Variants in CUL9 observed in about 807,000 individuals in gnomAD.
The protein encoded by CUL9 is cullin-9.
A neutral mutation model predicts 272.6 loss-of-function variants in CUL9; 79 were observed. That is an observed-to-expected ratio of 0.29 (90% confidence interval 0.24 to 0.35). CUL9 has a LOEUF of 0.35. Among genes scored for constraint, CUL9 ranks in the 10% least tolerant of loss-of-function variants. The pLI is 1.00. For missense variants in CUL9, 2,532 were observed against 3,255.6 expected (o/e 0.78, Z 5.41); for synonymous variants, 1,186 against 1,286.5 (o/e 0.92, Z 1.67).
At chr6:43,183,284 G>C (rs1428567799) in intron 1 of CUL9, among the ~76,000 whole-genome samples, 2 of 152,166 alleles carry the variant, frequency 1.3e-5, no homozygotes, top group African/African-American at 4.8e-5. Context: ...TATAAGGGCA[G>C]GGTGGGACCT....
Position 43,224,316 on chromosome 6 carries a change from G to A in CUL9, c.7425G>A (p.Glu2475=), listed in dbSNP as rs1321285263. ...AAGACGATGAGGATGATGTGCCCGA[G>A]TGGCAGCAGGATGAGTTTGATGAGG... ...EEEDDEDDVP[E]WQQDEFDEEL... is the part of the protein sequence containing the mutation. Residue 2475 remains glutamate, a synonymous_variant, in exon 41 of 41, where the codon GAG becomes GAA. Coordinates refer to ENST00000252050, the MANE Select transcript of CUL9 (RefSeq NM_015089.4). The surrounding 1 kb of genome is among the most constrained non-coding windows in gnomAD (Gnocchi z 4.2). 1 of 1,614,134 alleles carries A rather than the reference G, an allele frequency of 6.2e-7. No individual in the cohort carries two copies. Among genetic ancestry groups the A allele is most frequent in the Non-Finnish European group, 8.5e-7 (1 of 1,179,976 alleles).
At position 43,203,301 on chromosome 6, in the gene CUL9, C is replaced by A; in HGVS notation, c.3849+97C>A. The A allele has an allele frequency of 6.3e-7, 1 of 1,593,788 alleles. No homozygotes were observed. Among genetic ancestry groups the A allele is most frequent in the Non-Finnish European group, 8.6e-7 (1 of 1,162,576 alleles). On this transcript the variant is annotated intron_variant, in intron 18 of 40. Transcript: ENST00000252050. The surrounding 1 kb of genome is among the most constrained non-coding windows in gnomAD (Gnocchi z 5.0). ...AGATGGCCCAGGACCTGTTGAGTCC[C>A]AGAGATGTGGGGATGTCCTGAGCAG...
At position 43,186,349 on chromosome 6, in the gene CUL9, C is replaced by A. The variant is rs767292472; in HGVS notation, c.1145C>A (p.Thr382Lys). The A allele has an allele frequency of 1.1e-5, 18 of 1,614,072 alleles. No homozygotes were observed. The South Asian group carries it at 2.0e-4, about 18-fold the overall frequency. Residue 382 changes from threonine to lysine, a missense_variant, in exon 4 of 41, where the codon ACA becomes AAA. Physicochemically the swap from Thr to Lys is moderately conservative, Grantham distance 78. This residue lies in a region of CUL9 where 2,218 missense variants were observed against 2,788.6 expected (regional missense o/e 0.80). Transcript: ENST00000252050. ...GGCTATGGAGAATATGTGCAGCAGA[C>A]ACTGCAGCCAGGGATGCGAGTGCGG... ...RSGYGEYVQQ[T>K]LQPGMRVRML...
In CUL9 at chr6:43,223,476, C is replaced by A. The variant is rs548972365; in HGVS notation, c.7284+79C>A. Reference sequence around the variant, plus strand: ...CTCCTGTCCCAGCACAGCCCCTGCCCTGGGGCGAGTCCAGAAGGAAAGGCA... The same window carrying A: ...CTCCTGTCCCAGCACAGCCCCTGCCATGGGGCGAGTCCAGAAGGAAAGGCA... On this transcript the variant is annotated intron_variant, in intron 39 of 40. Coordinates refer to ENST00000252050, the MANE Select transcript of CUL9 (RefSeq NM_015089.4). The surrounding 1 kb of genome is among the most constrained non-coding windows in gnomAD (Gnocchi z 4.1). The A allele has an allele frequency of 9.4e-6, 14 of 1,491,746 alleles. No homozygotes were observed. The African/African-American group carries it at 2.0e-4, about 21-fold the overall frequency. The allele number at this position is 1,491,746 out of a possible 1,614,324, so 92.4% of individuals were successfully genotyped here.
At chr6:43,194,238 A>T (rs949778772) in intron 9 of CUL9, among the ~76,000 whole-genome samples, 1 of 152,096 alleles carries the variant, frequency 6.6e-6, no homozygotes, top group African/African-American at 2.4e-5. Context: ...GTGTCCTCTT[A>T]AAGCAGGCTG....
intron 2 of CUL9, 95 bp from the exon 3 acceptor site, chr6:43,185,361 T>C (rs1473600236): frequency 1.5e-6 from 2 of 1,342,036 alleles, no homozygotes; most frequent in African/African-American, 2.9e-5. Flanking sequence ...AGTAACAAAG[T>C]TTGAAAGCGT....
chr6:43,188,397 C>A, intron 7 of CUL9, 126 bp from the exon 8 acceptor site: 1 of 983,106 alleles, frequency 1.0e-6, no homozygotes, highest in Non-Finnish European at 1.5e-6. Flanking sequence ...AATTGGAAAA[C>A]TCTGCAAGCT....
In CUL9 at chr6:43,186,377, G is replaced by A; in HGVS notation, c.1173G>A (p.Met391Ile). ...TGCAGCCAGGGATGCGAGTGCGGAT[G>A]CTGGATGATTATGAGGAGATCAGTG... ...QTLQPGMRVRMLDDYEEISAG... is the reference protein window; with the variant it reads ...QTLQPGMRVRILDDYEEISAG... Residue 391 changes from methionine (M) to isoleucine (I), a missense_variant, in exon 4 of 41, where the codon ATG becomes ATA. Coordinates refer to ENST00000252050, the MANE Select transcript of CUL9 (RefSeq NM_015089.4). 6.2e-7 allele frequency: 1 copy of A among 1,614,110 alleles called. No individual in the cohort carries two copies. The highest frequency in any genetic ancestry group is 8.5e-7 in the Non-Finnish European group (1 of 1,179,960).
chr6:43,190,984 T>C (rs1352109509), intron 8 of CUL9, among the ~76,000 whole-genome samples: 3 of 152,194 alleles, frequency 2.0e-5, no homozygotes, highest in Non-Finnish European at 4.4e-5. Flanking sequence ...TTGTGTATAG[T>C]GTTTTTTTCA....
At chr6:43,193,971 C>CTA (rs1339052212) in intron 9 of CUL9, among the ~76,000 whole-genome samples, 4 of 152,154 alleles carry the variant, frequency 2.6e-5, no homozygotes, top group African/African-American at 9.7e-5. Flanking sequence ...AGAAAATACT[C>CTA]TGTTACTAGA....
In CUL9 at chr6:43,203,707, A is replaced by G. The variant is rs1167411761; in HGVS notation, c.4025+115A>G. 6.7e-7 allele frequency: 1 copy of G among 1,497,710 alleles called. No individual in the cohort carries two copies. The highest frequency in any genetic ancestry group is 1.3e-5 in the South Asian group (1 of 77,636). The allele number at this position is 1,497,710 out of a possible 1,614,324, so 92.8% of individuals were successfully genotyped here. On this transcript the variant is annotated intron_variant, in intron 19 of 40. Coordinates refer to ENST00000252050, the MANE Select transcript of CUL9 (RefSeq NM_015089.4). The surrounding 1 kb of genome is among the most constrained non-coding windows in gnomAD (Gnocchi z 5.0). ...AGCTGCAGCCAGGACATGAGGGGGA[A>G]GGTGAACGTAGGTGAGAAGTTTGTG...
chr6:43,224,009 C>G lies in CUL9; in HGVS notation c.7285-86C>G. ...GAGCAGTCCTAGCAGGAGCTTGGCC[C>G]TCCCAGAGCATCAGTGGAAGGAATG... is the stretch of plus-strand genomic sequence containing the variant. On this transcript the variant is annotated intron_variant, in intron 39 of 40. Transcript: ENST00000252050. This position sits in a 1 kb window ranked among gnomAD's most constrained non-coding sequence, Gnocchi z 4.2. The G allele has an allele frequency of 7.4e-7, 1 of 1,344,988 alleles. No homozygotes were observed. Among genetic ancestry groups the G allele is most frequent in the Non-Finnish European group, 1.1e-6 (1 of 936,340 alleles). The allele number at this position is 1,344,988 out of a possible 1,614,324, so 83.3% of individuals were successfully genotyped here. A position where few individuals can be genotyped will look rare whatever the true frequency, so the allele number is the denominator to read the frequency against.
Position 43,196,789 on chromosome 6 carries a change from G to A in CUL9, c.2730G>A (p.Met910Ile). The A allele has an allele frequency of 6.2e-7, 1 of 1,614,204 alleles. No homozygotes were observed. The highest frequency in any genetic ancestry group is 8.5e-7 in the Non-Finnish European group (1 of 1,180,038). ...HSGIAPRTEP[M>I]PTTRTILMML... is the part of the protein sequence containing the mutation. ...GGATAGCACCAAGAACAGAACCTAT[G>A]CCTACCACACGCACCATCCTCATGA... The change falls in exon 11 of 41, where the codon ATG becomes ATA. Residue 910 changes from methionine to isoleucine, a missense_variant. This residue lies in a region of CUL9 where 2,218 missense variants were observed against 2,788.6 expected (regional missense o/e 0.80). Transcript: ENST00000252050.
Position 43,220,722 on chromosome 6 carries a change from C to G in CUL9, c.6424-25C>G. 6.2e-7 allele frequency: 1 copy of G among 1,608,920 alleles called. No homozygotes were observed. Among genetic ancestry groups the G allele is most frequent in the Non-Finnish European group, 8.5e-7 (1 of 1,177,764 alleles). On this transcript the variant is annotated intron_variant, in intron 32 of 40. Transcript: ENST00000252050. The surrounding 1 kb of genome is among the most constrained non-coding windows in gnomAD (Gnocchi z 4.9). ...GGCATCCTGGAGAGCCATACCCTCA[C>G]CTCGTGGCACCTGCGTCTCCACAGT...
chr6:43,186,883 T>G, intron 4 of CUL9, 77 bp from the exon 5 acceptor site: 1 of 1,553,542 alleles, frequency 6.4e-7, no homozygotes, highest in Non-Finnish European at 8.7e-7. Flanking sequence ...GGGCATGTCC[T>G]TTCAAGCCTT....
rs767470258 is a variant in CUL9, at chr6:43,184,672, C to T, written c.362C>T (p.Ala121Val). 3.7e-6 allele frequency: 6 copies of T among 1,611,818 alleles called. No homozygotes were observed. The highest frequency in any genetic ancestry group is 1.6e-4 in the Middle Eastern group (1 of 6,074). ...GGAGAGATGGAGGCTGATGTTCAGG[C>T]GCTGGTACGCAGGGCGGCCAGGCAG... ...AMGEMEADVQ[A>V]LVRRAARQLA... The change falls in exon 2 of 41, where the codon GCG becomes GTG. Residue 121 changes from alanine (A) to valine (V), a missense_variant. This residue lies in a region of CUL9 where 2,218 missense variants were observed against 2,788.6 expected (regional missense o/e 0.80). Transcript: ENST00000252050. This position sits in a 1 kb window ranked among gnomAD's most constrained non-coding sequence, Gnocchi z 4.8.
At position 43,221,801 on chromosome 6, in the gene CUL9, A is replaced by AG. The variant is rs750565478; in HGVS notation, c.6846+26dup. 1 of 1,603,566 alleles carries AG rather than the reference A, an allele frequency of 6.2e-7. No homozygotes were observed. Among genetic ancestry groups the AG allele is most frequent in the South Asian group, 1.1e-5 (1 of 90,720 alleles). Reference sequence around the variant, plus strand: ...ATGGTAAGGCGCTGGGCACTAGGGGAGGGCAGAGGCCCAGAGCCGTCGGGG... The same window carrying AG: ...ATGGTAAGGCGCTGGGCACTAGGGGAGGGGCAGAGGCCCAGAGCCGTCGGGG... On this transcript the variant is annotated intron_variant, in intron 35 of 40. Coordinates refer to ENST00000252050, the MANE Select transcript of CUL9 (RefSeq NM_015089.4). This position sits in a 1 kb window ranked among gnomAD's most constrained non-coding sequence, Gnocchi z 4.2.
intron 10 of CUL9, 166 bp from the exon 11 acceptor site, chr6:43,196,479 T>C (rs2150558387): frequency 2.5e-6 from 2 of 800,514 alleles, no homozygotes; most frequent in Non-Finnish European, 2.1e-6. Context: ...GACTTCCCTT[T>C]ATGGGTTTGG....
At position 43,223,634 on chromosome 6, in the gene CUL9, C is replaced by A; in HGVS notation, c.7284+237C>A. 1.7e-6 allele frequency: 1 copy of A among 580,606 alleles called. No individual in the cohort carries two copies. Among genetic ancestry groups the A allele is most frequent in the Non-Finnish European group, 3.0e-6 (1 of 331,258 alleles). 36.0% of individuals were successfully genotyped at this position (580,606 alleles called of 1,614,324 possible). A position where few individuals can be genotyped will look rare whatever the true frequency, so the allele number is the denominator to read the frequency against. On this transcript the variant is annotated intron_variant, in intron 39 of 40. Coordinates refer to ENST00000252050, the MANE Select transcript of CUL9 (RefSeq NM_015089.4). The surrounding 1 kb of genome is among the most constrained non-coding windows in gnomAD (Gnocchi z 4.1). Reference sequence around the variant, plus strand: ...AATAAAGGGGTTGGCTAGCCCACATCAAGGGTATTTGGTCAGGTGCCTATC... The same window carrying A: ...AATAAAGGGGTTGGCTAGCCCACATAAAGGGTATTTGGTCAGGTGCCTATC...
Sources: gnomAD v4.1 joint callset for allele counts (sites outside exome capture counted in the v4.1 genomes callset) on GRCh38, gnomAD v4.1.1 for gene constraint, gnomAD v4.1.1 regional missense constraint, Gnocchi (gnomAD v3.1) non-coding constraint, MANE v1.5 for transcripts, NCBI Gene and HGNC (gene_info 2026-07-23, HGNC 2026-07-21) for gene names.